ZNF236: variants seen among roughly 807,000 people sequenced by gnomAD.
ZNF236 encodes the protein regulated by glucose.
Under a neutral mutation model 191.2 loss-of-function variants are expected in ZNF236, and 50 were observed. That is an observed-to-expected ratio of 0.26 (90% confidence interval 0.21 to 0.33). The LOEUF is 0.33. Ranked by LOEUF, ZNF236 falls within the 10% of genes least tolerant of loss-of-function variation. The pLI, the probability that ZNF236 is intolerant of heterozygous loss-of-function variation, is 1.00. For synonymous variants in ZNF236, 907 were observed against 928.8 expected (o/e 0.98, Z 0.43); for missense variants, 1,754 against 2,374.5 (o/e 0.74, Z 5.43).
chr18:76,952,533 G>A (rs558474138), intron 27 of ZNF236, among the ~76,000 whole-genome samples: 1 of 152,202 alleles, frequency 6.6e-6, no homozygotes, highest in Non-Finnish European at 1.5e-5. Flanking sequence ...CTGAACCCAC[G>A]ACAGAGTGGC....
rs965947899 is a variant in ZNF236, at chr18:76,927,521, A to G, written c.4414+4A>G. ...GTGCTGACCACTAACAGCAGTGGTA[A>G]GAGCCACTCACTTTTGCTTATTTTG... is the stretch of plus-strand genomic sequence containing the variant. On this transcript the variant is annotated splice_donor_region_variant and intron_variant, in intron 24 of 30. Transcript: ENST00000320610. The surrounding 1 kb of genome is among the most constrained non-coding windows in gnomAD (Gnocchi z 5.4). 1.7e-5 allele frequency: 28 copies of G among 1,605,430 alleles called. No homozygotes were observed. Among genetic ancestry groups the G allele is most frequent in the Non-Finnish European group, 2.4e-5 (28 of 1,175,092 alleles).
At chr18:76,930,772 A>G (rs1317649449) in intron 25 of ZNF236, among the ~76,000 whole-genome samples, 3 of 152,170 alleles carry the variant, frequency 2.0e-5, no homozygotes, top group African/African-American at 7.2e-5. Context: ...CTATATTTGG[A>G]AATATTTTCA....
At position 76,927,197 on chromosome 18, in the gene ZNF236, A is replaced by G. The variant is rs1354870834; in HGVS notation, c.4173+15A>G. The G allele has an allele frequency of 1.2e-6, 2 of 1,612,348 alleles. No individual in the cohort carries two copies. Among genetic ancestry groups the G allele is most frequent in the South Asian group, 1.1e-5 (1 of 91,052 alleles). ...TTACGTTGCAGGTATGACACCTTCCATGGTCTCCTGTGCTGTAATTCTCTT... is the reference window on the plus strand; with the variant it reads ...TTACGTTGCAGGTATGACACCTTCCGTGGTCTCCTGTGCTGTAATTCTCTT... On this transcript the variant is annotated intron_variant, in intron 23 of 30. Transcript: ENST00000320610. This position sits in a 1 kb window ranked among gnomAD's most constrained non-coding sequence, Gnocchi z 5.4.
intron 1 of ZNF236, among the ~76,000 whole-genome samples, chr18:76,845,560 T>G (rs1187053712): frequency 6.6e-6 from 1 of 152,056 alleles, no homozygotes; most frequent in African/African-American, 2.4e-5. Context: ...TTAAAAAAAA[T>G]GCAGCTGGGG....
intron 18 of ZNF236, among the ~76,000 whole-genome samples, chr18:76,915,332 G>C (rs9946028): frequency 0.048 from 7,308 of 152,234 alleles, 307 homozygotes; most frequent in African/African-American, 0.11. Flanking sequence ...AGACCAAGGA[G>C]AGAGGGGACT....
chr18:76,824,365 T>C (rs1974958020), intron 1 of ZNF236: 1 of 781,096 alleles, frequency 1.3e-6, no homozygotes, highest in Non-Finnish European at 2.4e-6. Flanking sequence ...CTCATGGGCC[T>C]TTGTGGGCTG....
At chr18:76,883,742 T>C (rs971781992) in intron 9 of ZNF236, among the ~76,000 whole-genome samples, 1 of 152,198 alleles carries the variant, frequency 6.6e-6, no homozygotes, top group Admixed American at 6.5e-5. Flanking sequence ...GACACGTTTC[T>C]ATATAAAGAT....
rs868643687 is a variant in ZNF236 at position 76,909,501 on chromosome 18, G to A, written c.2552-567G>A. Among the ~76,000 whole-genome samples, 16 of 152,188 alleles carry A rather than the reference G, an allele frequency of 1.1e-4. 1 individual carries two copies. In the South Asian group the frequency reaches 1.7e-3, roughly 16 times the overall value. ...GTAGGTCAGTGAACTGTGGGTGACTGGTCTGCGGTGAGATGAGGCTCCTGA... is the reference window on the plus strand; with the variant it reads ...GTAGGTCAGTGAACTGTGGGTGACTAGTCTGCGGTGAGATGAGGCTCCTGA... On this transcript the variant is annotated intron_variant, in intron 14 of 30. Transcript: ENST00000320610.
intron 1 of ZNF236, among the ~76,000 whole-genome samples, chr18:76,841,549 C>G (rs1975504766): frequency 1.3e-5 from 2 of 152,160 alleles, no homozygotes; most frequent in Admixed American, 1.3e-4. Context: ...CTACTCATGC[C>G]TTTGATAATT....
At chr18:76,865,905 G>A (rs1487584768) in intron 3 of ZNF236, among the ~76,000 whole-genome samples, 1 of 152,106 alleles carries the variant, frequency 6.6e-6, no homozygotes, top group African/African-American at 2.4e-5. Context: ...AAGGTGTTCC[G>A]TTTTTAAGTT....
At position 76,879,809 on chromosome 18, in the gene ZNF236, C is replaced by A. The variant is rs547250842; in HGVS notation, c.985-304C>A. On this transcript the variant is annotated intron_variant, in intron 7 of 30. Coordinates refer to ENST00000320610, the MANE Select transcript of ZNF236 (RefSeq NM_001306089.2). Reference sequence around the variant, plus strand: ...TAACTTGATATTTTAAAAATTCCTTCACTTCAATTTTATGGGCTAACAGGA... The same window carrying A: ...TAACTTGATATTTTAAAAATTCCTTAACTTCAATTTTATGGGCTAACAGGA... 1.1e-4 allele frequency among the ~76,000 whole-genome samples: 16 copies of A among 152,196 alleles called. No homozygotes were observed. The South Asian group carries it at 3.3e-3, about 32-fold the overall frequency.
chr18:76,951,292 C>T (rs1968401184), intron 27 of ZNF236, among the ~76,000 whole-genome samples: 1 of 152,230 alleles, frequency 6.6e-6, no homozygotes, highest in Non-Finnish European at 1.5e-5. Flanking sequence ...TCTTCTTCCA[C>T]TATAAAGCTG....
intron 10 of ZNF236, among the ~76,000 whole-genome samples, chr18:76,896,650 G>A (rs1015784563): frequency 6.7e-6 from 1 of 149,612 alleles, no homozygotes; most frequent in Non-Finnish European, 1.5e-5. Flanking sequence ...ACACAGTACT[G>A]CACACAGTAC....
intron 1 of ZNF236, among the ~76,000 whole-genome samples, chr18:76,839,200 G>A (rs1975414207): frequency 2.0e-5 from 3 of 152,198 alleles, no homozygotes; most frequent in South Asian, 2.1e-4. Context: ...TAAACATGGC[G>A]TTTGGGTGCA....
chr18:76,946,861 T>A (rs1968275271), intron 26 of ZNF236, among the ~76,000 whole-genome samples: 8 of 152,226 alleles, frequency 5.3e-5, no homozygotes. Flanking sequence ...TATACACACA[T>A]GTAGAGACTC....
chr18:76,947,694 A>G (rs1968298645), intron 27 of ZNF236, 42 bp downstream of exon 27: 1 of 1,601,968 alleles, frequency 6.2e-7, no homozygotes, highest in Non-Finnish European at 8.5e-7. Context: ...TGTCGCTTTT[A>G]AAAACATACA....
At position 76,912,452 on chromosome 18, in the gene ZNF236, A is replaced by G. The variant is rs1967242598; in HGVS notation, c.2909+105A>G. ...GGCTCTGCGATTTCATTCTCTCAAA[A>G]CTGTTCAAAACAGTTCCATTGTCAT... is the stretch of plus-strand genomic sequence containing the variant. On this transcript the variant is annotated intron_variant, in intron 17 of 30. Coordinates refer to ENST00000320610, the MANE Select transcript of ZNF236 (RefSeq NM_001306089.2). 24 of 701,760 alleles carry G rather than the reference A, an allele frequency of 3.4e-5. No homozygotes were observed. In the South Asian group the frequency reaches 4.6e-4, roughly 13 times the overall value. The allele number at this position is 701,760 out of a possible 1,614,324, so 43.5% of individuals were successfully genotyped here. A position where few individuals can be genotyped will look rare whatever the true frequency, so the allele number is the denominator to read the frequency against.
At chr18:76,890,200 T>A (rs1977186923) in intron 9 of ZNF236, among the ~76,000 whole-genome samples, 1 of 152,252 alleles carries the variant, frequency 6.6e-6, no homozygotes, top group Non-Finnish European at 1.5e-5. Context: ...GTTAACATTT[T>A]ACTACATTTG....
chr18:76,898,276 T>C (rs1016772687), intron 10 of ZNF236: 1 of 152,240 alleles, frequency 6.6e-6, no homozygotes, highest in Non-Finnish European at 1.5e-5. Flanking sequence ...ACTTCTGAAT[T>C]GTGCACTCTA....
Sources: gnomAD v4.1 joint callset for allele counts (sites outside exome capture counted in the v4.1 genomes callset) on GRCh38, gnomAD v4.1.1 for gene constraint, Gnocchi (gnomAD v3.1) non-coding constraint, MANE v1.5 for transcripts, NCBI Gene and HGNC (gene_info 2026-07-23, HGNC 2026-07-21) for gene names.